Variants in GALNT18 observed in about 807,000 individuals in gnomAD.
The protein encoded by GALNT18 is polypeptide N-acetylgalactosaminyltransferase 18, also known as GalNAc-transferase 18.
Under a neutral mutation model 69.5 loss-of-function variants are expected in GALNT18, and 44 were observed. That is an observed-to-expected ratio of 0.63 (90% CI 0.50 to 0.81). The LOEUF (loss-of-function observed/expected upper bound fraction) is 0.81, where lower values mean the gene tolerates loss of function less well. Ranked by LOEUF, GALNT18 falls within the 40% of genes least tolerant of loss-of-function variation. GALNT18 has a pLI of 0.00. For missense variants in GALNT18, 715 were observed against 810.0 expected (o/e 0.88, Z 1.42); for synonymous variants, 364 against 318.2 (o/e 1.14, Z -1.53).
intron 10 of GALNT18, among the ~76,000 whole-genome samples, chr11:11,285,131 CAT>C (rs754303746): frequency 3.2e-4 from 49 of 152,062 alleles, no homozygotes; most frequent in South Asian, 1.0e-3. Context: ...CCAGTCCACA[CAT>C]ATTTGCGACA....
intron 1 of GALNT18, among the ~76,000 whole-genome samples, chr11:11,489,253 T>C (rs1425362274): frequency 2.0e-5 from 3 of 152,206 alleles, no homozygotes; most frequent in East Asian, 1.9e-4. Flanking sequence ...CACTCACACA[T>C]GGGTGGAAAT....
chr11:11,475,663 C>T (rs1310107125), intron 1 of GALNT18: 1 of 152,160 alleles, frequency 6.6e-6, no homozygotes, highest in Non-Finnish European at 1.5e-5. Flanking sequence ...GCTAGCCAGC[C>T]CTGGGAGGGG....
At chr11:11,574,125 G>T (rs1858862755) in intron 1 of GALNT18, among the ~76,000 whole-genome samples, 1 of 152,156 alleles carries the variant, frequency 6.6e-6, no homozygotes, top group African/African-American at 2.4e-5. Flanking sequence ...CCATGGGAGA[G>T]GAAGGGTACA....
intron 6 of GALNT18, chr11:11,352,562 T>C: frequency 6.2e-7 from 1 of 1,614,224 alleles, no homozygotes; most frequent in South Asian, 1.1e-5. Context: ...CATTATATTC[T>C]TGGCCAGGAT....
rs1859264875 is a variant in GALNT18 at position 11,587,927 on chromosome 11, G to A, written c.235+33432C>T. Among the ~76,000 whole-genome samples, 2 of 152,092 alleles carry A rather than the reference G, an allele frequency of 1.3e-5. No homozygotes were observed. Among genetic ancestry groups the A allele is most frequent in the African/African-American group, 2.4e-5 (1 of 41,410 alleles). ...GGAAGCCTTTCTACTAATTCACTAA[G>A]AGTGGCATGTCTCTACCAATAAATT... is the stretch of plus-strand genomic sequence containing the variant. On this transcript the variant is annotated intron_variant, in intron 1 of 10. Coordinates refer to ENST00000227756, the MANE Select transcript of GALNT18 (RefSeq NM_198516.3). This position sits in a 1 kb window ranked among gnomAD's most constrained non-coding sequence, Gnocchi z 4.4.
At chr11:11,440,266 T>C (rs1855506007) in intron 2 of GALNT18, among the ~76,000 whole-genome samples, 1 of 152,194 alleles carries the variant, frequency 6.6e-6, no homozygotes, top group African/African-American at 2.4e-5. Context: ...CATTTGTCCC[T>C]AAGACATCTT....
intron 1 of GALNT18, among the ~76,000 whole-genome samples, chr11:11,593,780 A>G (rs372579250): frequency 9.9e-5 from 15 of 151,838 alleles, no homozygotes; most frequent in Admixed American, 6.6e-5. Context: ...ACAATAAAAT[A>G]AAGTAAAATA....
chr11:11,461,425 T>C lies in GALNT18; in HGVS notation c.236-12489A>G, dbSNP rs897008424. 1.3e-5 allele frequency among the ~76,000 whole-genome samples: 2 copies of C among 152,206 alleles called. No homozygotes were observed. The highest frequency in any genetic ancestry group is 4.8e-5 in the African/African-American group (2 of 41,458). On this transcript the variant is annotated intron_variant, in intron 1 of 10. Transcript: ENST00000227756. This position sits in a 1 kb window ranked among gnomAD's most constrained non-coding sequence, Gnocchi z 4.1. ...AAAGTACATGTGAAAAAACTCATTT[T>C]AGAGAGTGACAAATGTCTGTATCTT...
Position 11,276,367 on chromosome 11 carries a change from C to T in GALNT18, c.1678-5077G>A, listed in dbSNP as rs148720673. 5.6e-4 allele frequency among the ~76,000 whole-genome samples: 85 copies of T among 152,268 alleles called. 1 individual carries two copies. The highest frequency in any genetic ancestry group is 1.9e-3 in the African/African-American group (77 of 41,552). ...TGTATAGGAATGCTTGTGATTTTTG[C>T]ACATTGATTTTGTATCCTGAGACTT... On this transcript the variant is annotated intron_variant, in intron 10 of 10. Coordinates refer to ENST00000227756, the MANE Select transcript of GALNT18 (RefSeq NM_198516.3).
chr11:11,448,695 A>C (rs1855717763), intron 2 of GALNT18, 49 bp downstream of exon 2: 1 of 1,501,942 alleles, frequency 6.7e-7, no homozygotes, highest in African/African-American at 1.4e-5. Context: ...TGGGGACCCC[A>C]TCTCCCCATA....
intron 2 of GALNT18, among the ~76,000 whole-genome samples, chr11:11,441,705 G>A (rs901595805): frequency 3.3e-5 from 5 of 152,208 alleles, no homozygotes; most frequent in South Asian, 2.1e-4. Context: ...GTGACGGCTC[G>A]TGAATCTTTC....
Position 11,603,192 on chromosome 11 carries a change from C to CAAA in GALNT18, c.235+18166_235+18167insTTT. Among the ~76,000 whole-genome samples the CAAA allele has an allele frequency of 1.3e-5, 2 of 152,312 alleles. No homozygotes were observed. Among genetic ancestry groups the CAAA allele is most frequent in the East Asian group, 3.9e-4 (2 of 5,180 alleles). ...TAATGAGAATTCAACATGGAGAAAA[C>CAAA]TGGGCTGTAAACAAATAATACCCAA... On this transcript the variant is annotated intron_variant, in intron 1 of 10. Transcript: ENST00000227756. This position sits in a 1 kb window ranked among gnomAD's most constrained non-coding sequence, Gnocchi z 4.5.
intron 3 of GALNT18, among the ~76,000 whole-genome samples, chr11:11,423,668 A>G (rs773559325): frequency 6.6e-6 from 1 of 152,228 alleles, no homozygotes; most frequent in South Asian, 2.1e-4. Context: ...GAAAAGGGAT[A>G]AGGACAAAAT....
intron 10 of GALNT18, among the ~76,000 whole-genome samples, chr11:11,273,907 G>A (rs1848879672): frequency 6.6e-6 from 1 of 152,116 alleles, no homozygotes; most frequent in South Asian, 2.1e-4. Flanking sequence ...TGGCTGAATA[G>A]GAATAGCTCC....
At chr11:11,302,496 C>T (rs902551161) in intron 9 of GALNT18, among the ~76,000 whole-genome samples, 7 of 152,120 alleles carry the variant, frequency 4.6e-5, no homozygotes, top group Non-Finnish European at 1.0e-4. Flanking sequence ...GCCTGGCTGC[C>T]TGGGACAGGC....
rs952131684 is a variant in GALNT18, at chr11:11,523,571, T to G, written c.236-74635A>C. 6.6e-6 allele frequency among the ~76,000 whole-genome samples: 1 copy of G among 151,780 alleles called. No individual in the cohort carries two copies. The highest frequency in any genetic ancestry group is 2.4e-5 in the African/African-American group (1 of 41,312). On this transcript the variant is annotated intron_variant, in intron 1 of 10. Transcript: ENST00000227756. The surrounding 1 kb of genome is among the most constrained non-coding windows in gnomAD (Gnocchi z 4.3). ...CGTCTCTACTAAAAATACAAAAAAT[T>G]AGCCAGGCGTGTTGGTGGGCTCCTG... is the stretch of plus-strand genomic sequence containing the variant.
intron 3 of GALNT18, among the ~76,000 whole-genome samples, chr11:11,427,852 A>T (rs1855168163): frequency 1.3e-5 from 2 of 152,032 alleles, no homozygotes; most frequent in Non-Finnish European, 2.9e-5. Context: ...CGATTCCCCC[A>T]CCTCATCCCC....
At position 11,383,982 on chromosome 11, in the gene GALNT18, T is replaced by C. The variant is rs556586252; in HGVS notation, c.596-4718A>G. On this transcript the variant is annotated intron_variant, in intron 3 of 10. Transcript: ENST00000227756. The surrounding 1 kb of genome is among the most constrained non-coding windows in gnomAD (Gnocchi z 5.2). Reference sequence around the variant, plus strand: ...AATTAAACCTCTTTTCTTTATAAATTGCCCAGTCTCAGGTAGTTCTTTATA... The same window carrying C: ...AATTAAACCTCTTTTCTTTATAAATCGCCCAGTCTCAGGTAGTTCTTTATA... 6.6e-6 allele frequency among the ~76,000 whole-genome samples: 1 copy of C among 152,298 alleles called. No homozygotes were observed. The highest frequency in any genetic ancestry group is 2.4e-5 in the African/African-American group (1 of 41,552).
chr11:11,477,499 C>T (rs1422301215), intron 1 of GALNT18, among the ~76,000 whole-genome samples: 2 of 152,222 alleles, frequency 1.3e-5, no homozygotes, highest in African/African-American at 4.8e-5. Flanking sequence ...GGGAAGCCTC[C>T]TGCCCTCCAC....
Sources: allele counts gnomAD v4.1 joint callset (sites outside exome capture counted in the v4.1 genomes callset), GRCh38; gene constraint gnomAD v4.1.1; non-coding constraint Gnocchi (gnomAD v3.1); transcripts MANE v1.5; gene names NCBI Gene and HGNC (gene_info 2026-07-23, HGNC 2026-07-21).